The following SIPA1L1 variants were observed in gnomAD, a reference collection of about 807,000 sequenced individuals.
SIPA1L1 encodes the protein signal-induced proliferation-associated 1-like protein 1.
SIPA1L1 carries 26 observed loss-of-function variants against 162.7 expected under a neutral mutation model. That is an observed-to-expected ratio of 0.16 (90% confidence interval 0.12 to 0.22). The LOEUF is 0.22. Ranked by LOEUF, SIPA1L1 falls within the 10% of genes least tolerant of loss-of-function variation. The pLI is 1.00. For synonymous variants in SIPA1L1, 829 were observed against 837.4 expected (o/e 0.99, Z 0.17); for missense variants, 1,874 against 2,241.0 (o/e 0.84, Z 3.31).
At chr14:71,512,585 CAA>C (rs550540510) in intron 2 of SIPA1L1, among the ~76,000 whole-genome samples, 156 bp from the exon 3 acceptor site, 37 of 46,382 alleles carry the variant, frequency 8.0e-4, no homozygotes, top group Non-Finnish European at 1.2e-3. Context: ...GACTCTGTCT[CAA>C]AAAAAAAAAA....
At chr14:71,415,780 C>G (rs1347510987) in intron 2 of SIPA1L1, among the ~76,000 whole-genome samples, 2 of 152,110 alleles carry the variant, frequency 1.3e-5, no homozygotes, top group Non-Finnish European at 2.9e-5. Flanking sequence ...TCACTGCAAC[C>G]TCTAACTCCC....
At chr14:71,359,976 G>T (rs1248295361) in intron 2 of SIPA1L1, among the ~76,000 whole-genome samples, 1 of 152,214 alleles carries the variant, frequency 6.6e-6, no homozygotes, top group Non-Finnish European at 1.5e-5. Context: ...GGCCCAAAAA[G>T]TTGAGTTTCA....
chr14:71,609,036 C>T (rs985816559), intron 5 of SIPA1L1, among the ~76,000 whole-genome samples: 1 of 152,160 alleles, frequency 6.6e-6, no homozygotes, highest in Non-Finnish European at 1.5e-5. Context: ...AGTCTTAATA[C>T]ATGCATACTC....
chr14:71,383,238 G>C (rs1310481074), intron 2 of SIPA1L1, among the ~76,000 whole-genome samples: 1 of 152,158 alleles, frequency 6.6e-6, no homozygotes, highest in Non-Finnish European at 1.5e-5. Flanking sequence ...CCATTTTACA[G>C]ATGAAGAAAT....
intron 5 of SIPA1L1, among the ~76,000 whole-genome samples, chr14:71,596,226 AG>A (rs1355060315): frequency 1.3e-5 from 2 of 152,172 alleles, no homozygotes; most frequent in African/African-American, 4.8e-5. Context: ...GTCAATGCAA[AG>A]GGTCAAAAAT....
chr14:71,634,083 A>G (rs1238300849), intron 7 of SIPA1L1, among the ~76,000 whole-genome samples: 2 of 152,042 alleles, frequency 1.3e-5, no homozygotes, highest in Non-Finnish European at 2.9e-5. Context: ...TGAAAGAAGC[A>G]AAAGATAAAT....
At chr14:71,598,954 C>G (rs1359766678) in intron 5 of SIPA1L1, among the ~76,000 whole-genome samples, 1 of 152,044 alleles carries the variant, frequency 6.6e-6, no homozygotes, top group Non-Finnish European at 1.5e-5. Flanking sequence ...TCCTCCCCCA[C>G]TTCCACCTAC....
chr14:71,417,157 A>G (rs1320607287), intron 2 of SIPA1L1, among the ~76,000 whole-genome samples: 1 of 152,166 alleles, frequency 6.6e-6, no homozygotes, highest in Non-Finnish European at 1.5e-5. Context: ...TTTGTATGTT[A>G]TATGTATTAT....
chr14:71,482,224 G>A (rs549433165), intron 2 of SIPA1L1, among the ~76,000 whole-genome samples: 110 of 152,290 alleles, frequency 7.2e-4, no homozygotes, highest in Middle Eastern at 3.4e-3. Flanking sequence ...AAGTGCTAAG[G>A]ATTCAAATCT....
chr14:71,642,018 C>T (rs1305753748), intron 7 of SIPA1L1, among the ~76,000 whole-genome samples: 1 of 152,172 alleles, frequency 6.6e-6, no homozygotes, highest in Non-Finnish European at 1.5e-5. Flanking sequence ...AGAAATCATA[C>T]ATCAATAAAG....
intron 4 of SIPA1L1, among the ~76,000 whole-genome samples, chr14:71,530,375 C>G (rs975634776): frequency 6.7e-6 from 1 of 150,194 alleles, no homozygotes; most frequent in African/African-American, 2.5e-5. Context: ...GCGTCCTGAT[C>G]GACCAACTTG....
intron 2 of SIPA1L1, among the ~76,000 whole-genome samples, chr14:71,480,731 C>T (rs1224519662): frequency 6.6e-6 from 1 of 152,100 alleles, no homozygotes; most frequent in African/African-American, 2.4e-5. Flanking sequence ...CACTGTTTTC[C>T]AGCCTGGGTG....
intron 2 of SIPA1L1, among the ~76,000 whole-genome samples, chr14:71,391,683 A>G (rs1343387472): frequency 2.6e-5 from 4 of 152,216 alleles, no homozygotes; most frequent in Non-Finnish European, 5.9e-5. Flanking sequence ...GTTAGAGAAC[A>G]TGGGGGTTCT....
chr14:71,590,846 T>C (rs1008801228), intron 5 of SIPA1L1, among the ~76,000 whole-genome samples: 1 of 152,164 alleles, frequency 6.6e-6, no homozygotes, highest in Non-Finnish European at 1.5e-5. Flanking sequence ...GGCTGTCCTG[T>C]GTATTGTAGG....
chr14:71,467,869 A>AAT (rs398025585), intron 2 of SIPA1L1, among the ~76,000 whole-genome samples: 2 of 151,024 alleles, frequency 1.3e-5, no homozygotes, highest in Non-Finnish European at 3.0e-5. Flanking sequence ...AAAAAAAAAA[A>AAT]GAAAGAAAAA....
chr14:71,449,071 G>GGT (rs2045623802), intron 2 of SIPA1L1: 1 of 152,358 alleles, frequency 6.6e-6, no homozygotes, highest in South Asian at 2.1e-4. Flanking sequence ...ATGAGAGACA[G>GGT]GTGTTTGCTC....
chr14:71,654,180 A>G (rs2042868416), intron 8 of SIPA1L1, among the ~76,000 whole-genome samples: 1 of 152,210 alleles, frequency 6.6e-6, no homozygotes, highest in South Asian at 2.1e-4. Flanking sequence ...CCATCTACAC[A>G]TTTCAAAAAT....
chr14:71,542,585 T>TTCTTCCTCCTCTTCC (rs1567176316), intron 4 of SIPA1L1, among the ~76,000 whole-genome samples: 2 of 133,014 alleles, frequency 1.5e-5, no homozygotes, highest in African/African-American at 2.8e-5. Flanking sequence ...CTCCTCCTTC[T>TTCTTCCTCCTCTTCC]TCTTCCTCCT....
chr14:71,647,270 C>T (rs564451695), intron 7 of SIPA1L1, among the ~76,000 whole-genome samples: 1 of 152,122 alleles, frequency 6.6e-6, no homozygotes, highest in Non-Finnish European at 1.5e-5. Flanking sequence ...TTTGTTCTGT[C>T]AGCAGGTGGA....
Sources: gnomAD v4.1 joint callset for allele counts (sites outside exome capture counted in the v4.1 genomes callset) on GRCh38, gnomAD v4.1.1 for gene constraint, MANE v1.5 for transcripts, NCBI Gene and HGNC (gene_info 2026-07-23, HGNC 2026-07-21) for gene names.